Variants in ZC3H12B observed in about 807,000 individuals in gnomAD.
ZC3H12B encodes probable ribonuclease ZC3H12B.
In ZC3H12B, 7 loss-of-function variants were observed where a neutral mutation model predicts 43.9. The observed-to-expected ratio is 0.16, with a 90% CI of 0.09 to 0.30. ZC3H12B has a LOEUF of 0.30. ZC3H12B is among the 10% of genes least tolerant of loss of function. ZC3H12B has a pLI of 1.00. For missense variants in ZC3H12B, 475 were observed against 670.2 expected, an observed-to-expected ratio of 0.71 and a Z score of 3.22; for synonymous variants, 222 against 241.7, an observed-to-expected ratio of 0.92 and a Z score of 0.76.
At chrX:65,112,167 GC>G in the ZC3H12B span, among the ~76,000 whole-genome samples, 1 of 112,080 alleles carries the variant, frequency 8.9e-6, no homozygotes, top group Admixed American at 9.5e-5. Context: ...GATCAAATAA[GC>G]CACAAAATTC....
the ZC3H12B span, among the ~76,000 whole-genome samples, chrX:65,152,102 A>G: frequency 1.3e-4 from 14 of 111,735 alleles, no homozygotes; most frequent in African/African-American, 4.2e-4. Flanking sequence ...AGAGCTATCT[A>G]TGACAAACCC....
chrX:65,454,658 C>T (rs1249940299), intron 3 of ZC3H12B, among the ~76,000 whole-genome samples: 3 of 111,776 alleles, frequency 2.7e-5, no homozygotes, highest in Admixed American at 9.5e-5. Context: ...AGCTGGAGAT[C>T]GGAGGATGGA....
the ZC3H12B span, among the ~76,000 whole-genome samples, chrX:65,190,698 G>T: frequency 1.1e-4 from 12 of 109,818 alleles, no homozygotes; most frequent in African/African-American, 3.3e-4. Context: ...GAGATTTTGG[G>T]CTGAGACAAT....
At chrX:65,169,381 G>T in the ZC3H12B span, among the ~76,000 whole-genome samples, 8 of 111,997 alleles carry the variant, frequency 7.1e-5, no homozygotes, top group Admixed American at 7.6e-4. Flanking sequence ...TAGTTTGATT[G>T]CACTGTGGTC....
At chrX:65,156,170 A>G in the ZC3H12B span, among the ~76,000 whole-genome samples, 1 of 110,656 alleles carries the variant, frequency 9.0e-6, no homozygotes, top group Non-Finnish European at 1.9e-5. Context: ...TATTTTTAAT[A>G]TTGTGCTTTC....
intron 2 of ZC3H12B, among the ~76,000 whole-genome samples, chrX:65,379,348 C>A (rs755149053): frequency 7.2e-5 from 8 of 111,221 alleles, no homozygotes; most frequent in Non-Finnish European, 1.3e-4. Flanking sequence ...CAAGGGCAGA[C>A]GGACACCTCA....
At chrX:65,488,491 G>A (rs1602525085), upstream of ZC3H12B, among the ~76,000 whole-genome samples, 1 of 110,323 alleles carries the variant, frequency 9.1e-6, no homozygotes, top group East Asian at 2.9e-4. Flanking sequence ...TAGAATTAGG[G>A]ACTCTTTATC....
the ZC3H12B span, among the ~76,000 whole-genome samples, chrX:65,054,669 A>C: frequency 1.1e-3 from 119 of 111,866 alleles, 2 homozygotes; most frequent in East Asian, 0.026. Flanking sequence ...TCTGTAAATT[A>C]CCTTGGGCAG....
At chrX:65,334,832 C>T in the ZC3H12B span, among the ~76,000 whole-genome samples, 1 of 111,423 alleles carries the variant, frequency 9.0e-6, no homozygotes, top group South Asian at 3.8e-4. Flanking sequence ...AAGAGAAATG[C>T]TATGAAACAA....
chrX:65,359,216 A>C, the ZC3H12B span, among the ~76,000 whole-genome samples: 2 of 111,349 alleles, frequency 1.8e-5, no homozygotes, highest in African/African-American at 3.3e-5. Context: ...GTCACGCAAG[A>C]GCTCTGATGG....
At chrX:65,275,778 C>T in the ZC3H12B span, among the ~76,000 whole-genome samples, 1 of 112,239 alleles carries the variant, frequency 8.9e-6, no homozygotes, top group Non-Finnish European at 1.9e-5. Flanking sequence ...CATAGGGATA[C>T]ATCAAACATG....
At chrX:65,192,927 C>T in the ZC3H12B span, among the ~76,000 whole-genome samples, 3 of 110,260 alleles carry the variant, frequency 2.7e-5, no homozygotes, top group Non-Finnish European at 3.8e-5. Context: ...GTGCGTGCCA[C>T]CACCCCCAGC....
chrX:65,057,590 C>T, the ZC3H12B span, among the ~76,000 whole-genome samples: 154 of 111,021 alleles, frequency 1.4e-3, 2 homozygotes, highest in Middle Eastern at 4.6e-3. Context: ...GGAGTATCTT[C>T]GTGGCATTCT....
intron 3 of ZC3H12B, among the ~76,000 whole-genome samples, chrX:65,418,066 G>A (rs1168018884): frequency 8.9e-6 from 1 of 111,744 alleles, no homozygotes; most frequent in Non-Finnish European, 1.9e-5. Flanking sequence ...AAAACATAAA[G>A]GGCTAAGTAT....
chrX:65,099,621 ACTGCAGAAGAGATTC>A, the ZC3H12B span, among the ~76,000 whole-genome samples: 1 of 111,416 alleles, frequency 9.0e-6, no homozygotes, highest in African/African-American at 3.3e-5. Flanking sequence ...CTGCAGCAGA[ACTGCAGAAGAGATTC>A]CTGGCTGTTG....
chrX:65,464,104 C>A (rs1331763146), intron 3 of ZC3H12B, among the ~76,000 whole-genome samples: 1 of 112,220 alleles, frequency 8.9e-6, no homozygotes, highest in Non-Finnish European at 1.9e-5. Context: ...CTTACTCTCT[C>A]AAAGGAGAAA....
the ZC3H12B span, among the ~76,000 whole-genome samples, chrX:65,086,609 A>G: frequency 9.0e-6 from 1 of 111,680 alleles, no homozygotes; most frequent in South Asian, 3.8e-4. Flanking sequence ...AGTTATTGCC[A>G]TTATAAAAGA....
intron 3 of ZC3H12B, among the ~76,000 whole-genome samples, chrX:65,480,852 A>C (rs1255838736): frequency 9.0e-6 from 1 of 110,758 alleles, no homozygotes; most frequent in Non-Finnish European, 1.9e-5. Context: ...GACTCAAAAA[A>C]AAAAAAAAAG....
the ZC3H12B span, among the ~76,000 whole-genome samples, chrX:65,162,652 C>G: frequency 9.0e-6 from 1 of 111,701 alleles, no homozygotes; most frequent in Non-Finnish European, 1.9e-5. Flanking sequence ...ATTGGTTATT[C>G]TAGTTATACA....
Sources: allele counts gnomAD v4.1 joint callset (sites outside exome capture counted in the v4.1 genomes callset), GRCh38; gene constraint gnomAD v4.1.1; transcripts MANE v1.5; gene names NCBI Gene and HGNC (gene_info 2026-07-23, HGNC 2026-07-21).